MAP2K1: variants seen among roughly 807,000 people sequenced by gnomAD.
MAP2K1 encodes the protein mitogen-activated protein kinase kinase 1.
In MAP2K1, 16 loss-of-function variants were observed where a neutral mutation model predicts 46.3. The observed-to-expected ratio is 0.35, with a 90% CI of 0.23 to 0.52. MAP2K1 has a LOEUF of 0.52. Among genes scored for constraint, MAP2K1 ranks in the 20% least tolerant of loss-of-function variants. MAP2K1 has a pLI of 0.94. For missense variants in MAP2K1, 263 were observed against 497.1 expected, an observed-to-expected ratio of 0.53 and a Z score of 4.48; for synonymous variants, 183 against 185.6, an observed-to-expected ratio of 0.99 and a Z score of 0.11.
At chr15:66,488,855 C>T (rs2140682195) in intron 8 of MAP2K1, 2 of 346,112 alleles carry the variant, frequency 5.8e-6, no homozygotes, top group South Asian at 5.8e-5. Flanking sequence ...TGTAGAGTGT[C>T]AGAGCTTGAA....
chr15:66,473,888 C>G (rs1892697154), intron 5 of MAP2K1, among the ~76,000 whole-genome samples: 1 of 152,070 alleles, frequency 6.6e-6, no homozygotes, highest in African/African-American at 2.4e-5. Context: ...TGCCACATTG[C>G]CCAGGCTGAT....
At chr15:66,469,850 C>T (rs1892577628) in intron 5 of MAP2K1, among the ~76,000 whole-genome samples, 1 of 150,036 alleles carries the variant, frequency 6.7e-6, no homozygotes, top group East Asian at 2.0e-4. Flanking sequence ...TACCAAATAT[C>T]AAACCTTTCA....
intron 1 of MAP2K1, among the ~76,000 whole-genome samples, chr15:66,408,730 A>G (rs1341467540): frequency 6.6e-6 from 1 of 151,872 alleles, no homozygotes; most frequent in African/African-American, 2.4e-5. Flanking sequence ...TGCTCATACT[A>G]TGTCTTCTAC....
intron 1 of MAP2K1, among the ~76,000 whole-genome samples, chr15:66,404,823 G>A (rs145387348): frequency 1.3e-5 from 2 of 152,288 alleles, no homozygotes; most frequent in African/African-American, 4.8e-5. Context: ...AGGCACAGAG[G>A]ACTTGGGTTA....
intron 5 of MAP2K1, chr15:66,453,405 G>C: frequency 1.4e-6 from 1 of 691,488 alleles, no homozygotes; most frequent in African/African-American, 1.8e-5. Context: ...AAGGACTTCT[G>C]TGTGGGCTGG....
rs1190011668 is a variant in MAP2K1, at chr15:66,387,371, C to T, written c.24C>T (p.Pro8=). MPKKKPT[P]IQLNPAPDGS... is the part of the protein sequence containing the mutation. ...AAATGCCCAAGAAGAAGCCGACGCC[C>T]ATCCAGCTGAACCCGGCCCCCGACG... The change falls in exon 1 of 11, where the codon CCC becomes CCT. Residue 8 remains proline, a synonymous_variant. Transcript: ENST00000307102. 5 of 1,566,394 alleles carry T rather than the reference C, an allele frequency of 3.2e-6. No individual in the cohort carries two copies. In the South Asian group the frequency reaches 3.5e-5, roughly 11 times the overall value.
Position 66,484,882 on chromosome 15 carries a change from C to G in MAP2K1, c.694-108C>G, listed in dbSNP as rs1057027361. Reference sequence around the variant, plus strand: ...CCAAATTCAAGAGGTTAGTGGAGCTCTTGAAACAGGATATGAACTATTGAG... The same window carrying G: ...CCAAATTCAAGAGGTTAGTGGAGCTGTTGAAACAGGATATGAACTATTGAG... On this transcript the variant is annotated intron_variant, in intron 6 of 10. Transcript: ENST00000307102. 6.2e-5 allele frequency: 61 copies of G among 977,928 alleles called. No individual in the cohort carries two copies. In the African/African-American group the frequency reaches 7.3e-4, roughly 12 times the overall value. 60.6% of individuals were successfully genotyped at this position (977,928 alleles called of 1,614,324 possible).
intron 8 of MAP2K1, 96 bp from the exon 9 acceptor site, chr15:66,489,119 A>T (rs570335677): frequency 1.3e-5 from 13 of 989,502 alleles, no homozygotes; most frequent in African/African-American, 9.5e-5. Context: ...GACTTTAAAA[A>T]AAAGTAGCAC....
At position 66,420,027 on chromosome 15, in the gene MAP2K1, T is replaced by G. The variant is rs1297330517; in HGVS notation, c.81-15000T>G. ...TGGGAGGTGAGGTGGGTGGATCACC[T>G]GAGGTCAGGAGTTCGAGACCACCCT... is the stretch of plus-strand genomic sequence containing the variant. On this transcript the variant is annotated intron_variant, in intron 1 of 10. Transcript: ENST00000307102. Among the ~76,000 whole-genome samples, 6 of 152,230 alleles carry G rather than the reference T, an allele frequency of 3.9e-5. No individual in the cohort carries two copies. In the East Asian group the frequency reaches 1.2e-3, roughly 29 times the overall value.
intron 1 of MAP2K1, among the ~76,000 whole-genome samples, chr15:66,403,242 A>G (rs902866238): frequency 7.9e-5 from 12 of 152,202 alleles, no homozygotes; most frequent in Admixed American, 7.2e-4. Flanking sequence ...TTTACCCAAC[A>G]TTAAATTTTG....
At chr15:66,434,996 G>C (rs534445667) in intron 1 of MAP2K1, 31 bp from the exon 2 acceptor site, 1 of 1,388,602 alleles carries the variant, frequency 7.2e-7, no homozygotes. Context: ...TCTGGTGACA[G>C]TATTGACTTG....
chr15:66,387,145 C>CGGGCGGGTG lies in MAP2K1; in HGVS notation c.-195_-187dup. On this transcript the variant is annotated 5_prime_UTR_variant, in exon 1 of 11. Coordinates refer to ENST00000307102, the MANE Select transcript of MAP2K1 (RefSeq NM_002755.4). ...GCTCTCTGCGCGCGAAGCCGAGTCC[C>CGGGCGGGTG]GGGCGGGTGGGGCGGGGGTCCACTG... is the stretch of plus-strand genomic sequence containing the variant. 8 of 364,916 alleles carry CGGGCGGGTG rather than the reference C, an allele frequency of 2.2e-5. No individual in the cohort carries two copies. The highest frequency in any genetic ancestry group is 5.8e-5 in the South Asian group (1 of 17,312). The allele number at this position is 364,916 out of a possible 1,614,324, so 22.6% of individuals were successfully genotyped here. A position where few individuals can be genotyped will look rare whatever the true frequency, so the allele number is the denominator to read the frequency against.
At chr15:66,459,309 C>CAAAA (rs35580857) in intron 5 of MAP2K1, among the ~76,000 whole-genome samples, 1 of 123,156 alleles carries the variant, frequency 8.1e-6, no homozygotes, top group African/African-American at 3.1e-5. Flanking sequence ...GACTCTGTCT[C>CAAAA]AAAAAAAAAA....
intron 1 of MAP2K1, among the ~76,000 whole-genome samples, chr15:66,430,071 A>G (rs2093471352): frequency 6.6e-6 from 1 of 152,258 alleles, no homozygotes; most frequent in Middle Eastern, 3.4e-3. Flanking sequence ...AAGGAAGGTA[A>G]CTTACCCAAG....
intron 5 of MAP2K1, among the ~76,000 whole-genome samples, chr15:66,447,501 G>A (rs1595867401): frequency 6.6e-6 from 1 of 151,874 alleles, no homozygotes; most frequent in East Asian, 2.0e-4. Context: ...AACCAGACTG[G>A]CCAACATGGT....
Position 66,420,952 on chromosome 15 carries a change from CACATACAT to C in MAP2K1, c.81-14073_81-14066del, listed in dbSNP as rs1424898662. On this transcript the variant is annotated intron_variant, in intron 1 of 10. Transcript: ENST00000307102. ...ATATACACACATACATATATACATA[CACATACAT>C]ATATACACACACATACATACACACA... Among the ~76,000 whole-genome samples, 538 of 59,820 alleles carry C rather than the reference CACATACAT, an allele frequency of 9.0e-3. 5 individuals carry two copies. The highest frequency in any genetic ancestry group is 0.059 in the Middle Eastern group (6 of 102). The allele number at this position is 59,820 out of a possible 152,430, so 39.2% of individuals were successfully genotyped here. A position where few individuals can be genotyped will look rare whatever the true frequency, so the allele number is the denominator to read the frequency against.
rs1415894070 is a variant in MAP2K1, at chr15:66,408,736, TCTA to T, written c.80+21312_80+21314del. ...CCTGGCCTCTGCTCATACTATGTCT[TCTA>T]CTGGGGATTCCCGTCTCCACCTCCA... On this transcript the variant is annotated intron_variant, in intron 1 of 10. Coordinates refer to ENST00000307102, the MANE Select transcript of MAP2K1 (RefSeq NM_002755.4). Among the ~76,000 whole-genome samples the T allele has an allele frequency of 2.6e-5, 4 of 152,030 alleles. No homozygotes were observed. In the East Asian group the frequency reaches 7.7e-4, roughly 29 times the overall value.
At chr15:66,392,478 C>T (rs959670292) in intron 1 of MAP2K1, among the ~76,000 whole-genome samples, 5 of 151,016 alleles carry the variant, frequency 3.3e-5, no homozygotes, top group African/African-American at 9.7e-5. Flanking sequence ...TGTGCTGGTG[C>T]ACCAGGAGTA....
At chr15:66,402,530 A>G (rs568895059) in intron 1 of MAP2K1, among the ~76,000 whole-genome samples, 20 of 152,162 alleles carry the variant, frequency 1.3e-4, no homozygotes, top group African/African-American at 4.1e-4. Context: ...AACTTCAGCA[A>G]TTTTCGTGGG....
Sources: allele counts gnomAD v4.1 joint callset (sites outside exome capture counted in the v4.1 genomes callset), GRCh38; gene constraint gnomAD v4.1.1; transcripts MANE v1.5; gene names NCBI Gene and HGNC (gene_info 2026-07-23, HGNC 2026-07-21).